The following MME variants were observed in gnomAD, a reference collection of about 807,000 sequenced individuals.
MME encodes neprilysin.
In MME, 98 loss-of-function variants were observed where a neutral mutation model predicts 113.2. The ratio of observed to expected loss-of-function variants is 0.87; its 90% CI spans 0.74 to 1.02. The LOEUF (loss-of-function observed/expected upper bound fraction) is 1.02. MME is among the 50% of genes least tolerant of loss of function. The pLI, the probability that MME is intolerant of heterozygous loss-of-function variation, is 0.00. For synonymous variants in MME, 292 were observed against 300.6 expected (o/e 0.97, Z 0.30); for missense variants, 836 against 896.0 (o/e 0.93, Z 0.86).
intron 9 of MME, among the ~76,000 whole-genome samples, chr3:155,138,955 T>A (rs1186293650): frequency 1.3e-5 from 2 of 152,032 alleles, no homozygotes; most frequent in African/African-American, 2.4e-5. Context: ...TCTTTGTCAT[T>A]GCAAACGACA....
chr3:155,163,828 T>G (rs1394248800), intron 17 of MME, among the ~76,000 whole-genome samples: 1 of 152,166 alleles, frequency 6.6e-6, no homozygotes, highest in African/African-American at 2.4e-5. Context: ...TCCAAACATA[T>G]TGTTACTCCA....
chr3:155,061,662 T>G (rs1714151910), intron 1 of MME, among the ~76,000 whole-genome samples: 2 of 112,578 alleles, frequency 1.8e-5, no homozygotes, highest in South Asian at 2.8e-4. Flanking sequence ...TATCTGTAGG[T>G]TTTTTTTTTT....
intron 3 of MME, among the ~76,000 whole-genome samples, chr3:155,097,264 T>C (rs184723040): frequency 9.2e-5 from 14 of 152,280 alleles, no homozygotes; most frequent in Admixed American, 2.0e-4. Flanking sequence ...ATGATATGGT[T>C]GAGATTTCTT....
At chr3:155,048,820 T>C (rs1247085016) in intron 1 of MME, among the ~76,000 whole-genome samples, 2 of 152,186 alleles carry the variant, frequency 1.3e-5, no homozygotes, top group Non-Finnish European at 2.9e-5. Flanking sequence ...TGGTTTATCT[T>C]ATCCATGCAT....
At chr3:155,171,126 A>C (rs777279027) in intron 20 of MME, among the ~76,000 whole-genome samples, 48 of 152,190 alleles carry the variant, frequency 3.2e-4, no homozygotes, top group Non-Finnish European at 5.7e-4. Context: ...TAGTACTCCC[A>C]TGGAGAACCT....
At chr3:155,108,450 G>A (rs1050644564) in intron 3 of MME, among the ~76,000 whole-genome samples, 1 of 152,088 alleles carries the variant, frequency 6.6e-6, no homozygotes, top group Non-Finnish European at 1.5e-5. Context: ...ACAAAAATTA[G>A]CCAAGCATGG....
At position 155,180,364 on chromosome 3, in the gene MME, A is replaced by G; in HGVS notation, c.2158A>G (p.Ile720Val). 1.9e-6 allele frequency: 3 copies of G among 1,612,812 alleles called. No individual in the cohort carries two copies. The highest frequency in any genetic ancestry group is 1.1e-5 in the South Asian group (1 of 91,070). ...CTTTTTTTGTTTGTTTCAAAGGATT[A>G]TTGGGACTTTGCAGAACTCTGCAGA... is the stretch of plus-strand genomic sequence containing the variant. ...DVHSPGNFRI[I>V]GTLQNSAEFS... Residue 720 changes from isoleucine to valine, a missense_variant, in exon 23 of 23, where the codon ATT becomes GTT. Transcript: ENST00000360490.
rs570513588 is a variant in MME, at chr3:155,089,876, C to T, written c.196+4782C>T. The T allele has an allele frequency of 3.4e-4, 152 of 452,034 alleles. 1 individual carries two copies. The highest frequency in any genetic ancestry group is 2.8e-3 in the African/African-American group (140 of 50,112). 28.0% of individuals were successfully genotyped at this position (452,034 alleles called of 1,614,324 possible). A position where few individuals can be genotyped will look rare whatever the true frequency, so the allele number is the denominator to read the frequency against. On this transcript the variant is annotated intron_variant, in intron 3 of 22. Coordinates refer to ENST00000360490, the MANE Select transcript of MME (RefSeq NM_007289.4). The stretch of plus-strand genomic sequence containing the variant: ...TATAATCCCAGAGGGAGGAGAATTG[C>T]TTGAACCCAGGAGGCAGAGGTTGAA...
chr3:155,092,568 T>C lies in MME; in HGVS notation c.196+7474T>C, dbSNP rs1716386700. On this transcript the variant is annotated intron_variant, in intron 3 of 22. Transcript: ENST00000360490. ...TCATTACAGCATAATGCTGTTTTTA[T>C]AAATAATTTATAAAAGCCAAAATAT... is the stretch of plus-strand genomic sequence containing the variant. 2.6e-5 allele frequency among the ~76,000 whole-genome samples: 4 copies of C among 152,198 alleles called. No homozygotes were observed. In the South Asian group the frequency reaches 8.3e-4, roughly 31 times the overall value.
chr3:155,057,388 C>G (rs917222237), intron 1 of MME, among the ~76,000 whole-genome samples: 1 of 151,946 alleles, frequency 6.6e-6, no homozygotes, highest in Admixed American at 6.6e-5. Context: ...AAATCAAAAC[C>G]ACAATGAGAT....
chr3:155,031,635 C>T (rs2108113988), intron 1 of MME, among the ~76,000 whole-genome samples: 1 of 151,892 alleles, frequency 6.6e-6, no homozygotes, highest in East Asian at 1.9e-4. Context: ...ATTTTATAGC[C>T]AGCTTTTGCT....
At chr3:155,168,698 T>C in intron 19 of MME, 34 bp from the exon 20 acceptor site, 1 of 1,612,700 alleles carries the variant, frequency 6.2e-7, no homozygotes, top group Non-Finnish European at 8.5e-7. Flanking sequence ...GGTTTCTTTT[T>C]TTAACAATCC....
chr3:155,164,103 C>T (rs1207140330), intron 17 of MME, among the ~76,000 whole-genome samples: 2 of 148,468 alleles, frequency 1.3e-5, no homozygotes, highest in African/African-American at 2.5e-5. Flanking sequence ...GAGGTCACAC[C>T]ACTGCACTTC....
At chr3:155,086,823 G>A (rs888380663) in intron 3 of MME, among the ~76,000 whole-genome samples, 3 of 151,578 alleles carry the variant, frequency 2.0e-5, no homozygotes, top group Admixed American at 6.6e-5. Context: ...TTATTTATTT[G>A]AGGCAGGATC....
intron 8 of MME, among the ~76,000 whole-genome samples, chr3:155,130,212 G>A (rs758078851): frequency 6.6e-6 from 1 of 152,174 alleles, no homozygotes. Flanking sequence ...CAACTCTAAG[G>A]ACTACTTTGT....
intron 4 of MME, among the ~76,000 whole-genome samples, chr3:155,116,228 G>T (rs1718590431): frequency 6.6e-6 from 1 of 151,128 alleles, no homozygotes; most frequent in African/African-American, 2.4e-5. Flanking sequence ...TAGTCAAAAG[G>T]ACTTTCATCT....
At chr3:155,128,092 T>A (rs2108283303) in intron 8 of MME, among the ~76,000 whole-genome samples, 1 of 152,362 alleles carries the variant, frequency 6.6e-6, no homozygotes, top group Non-Finnish European at 1.5e-5. Flanking sequence ...CTTAAGGTAG[T>A]GCTTCAAGCT....
chr3:155,067,290 A>G (rs1368314009), intron 1 of MME, among the ~76,000 whole-genome samples: 2 of 129,396 alleles, frequency 1.5e-5, no homozygotes, highest in South Asian at 4.9e-4. Flanking sequence ...AGCTTTTGCA[A>G]TTTATTTTCC....
At chr3:155,172,428 G>A (rs1712075289) in intron 21 of MME, 108 bp from the exon 22 acceptor site, 1 of 929,792 alleles carries the variant, frequency 1.1e-6, no homozygotes, top group Non-Finnish European at 1.8e-6. Flanking sequence ...AATGGTTGAG[G>A]AATGCAGAAT....
Sources: allele counts gnomAD v4.1 joint callset (sites outside exome capture counted in the v4.1 genomes callset), GRCh38; gene constraint gnomAD v4.1.1; transcripts MANE v1.5; gene names NCBI Gene and HGNC (gene_info 2026-07-23, HGNC 2026-07-21).